ADAMTSL1: variants seen among roughly 807,000 people sequenced by gnomAD.
The protein encoded by ADAMTSL1 is ADAMTS-like protein 1.
In ADAMTSL1, 126 loss-of-function variants were observed where a neutral mutation model predicts 201.8. That is an observed-to-expected ratio of 0.62 (90% CI 0.54 to 0.72). The LOEUF (loss-of-function observed/expected upper bound fraction) is 0.72, where lower values mean the gene tolerates loss of function less well. ADAMTSL1 is among the 30% of genes least tolerant of loss of function. The pLI is 0.00. For synonymous variants in ADAMTSL1, 1,121 were observed against 903.4 expected (o/e 1.24, Z -4.32); for missense variants, 2,679 against 2,277.8 (o/e 1.18, Z -3.59).
intron 21 of ADAMTSL1, among the ~76,000 whole-genome samples, chr9:18,823,240 C>G (rs892892544): frequency 6.6e-6 from 1 of 152,216 alleles, no homozygotes; most frequent in African/African-American, 2.4e-5. Context: ...CACTTAATTT[C>G]TCTTCCCTTG....
chr9:18,345,768 G>A (rs2132992162), intron 2 of ADAMTSL1, among the ~76,000 whole-genome samples: 1 of 152,236 alleles, frequency 6.6e-6, no homozygotes, highest in Admixed American at 6.5e-5. Context: ...TGCTTCTGTA[G>A]CAGCCACCAT....
Position 18,406,337 on chromosome 9 carries a change from T to TTCTTTTCTTTTCTTTTCTTTTCTTC in ADAMTSL1, c.208-98486_208-98485insCTTTTCTTTTCTTTTCTTCTCTTTT, listed in dbSNP as rs1320560576. On this transcript the variant is annotated intron_variant, in intron 2 of 29. Coordinates refer to the ADAMTSL1 transcript ENST00000680146. ...TTCTTTTCTTTTCTTTTCTTTTCTTTTCTTTTTTTGACATGGACTCTCACT... is the reference window on the plus strand; with the variant it reads ...TTCTTTTCTTTTCTTTTCTTTTCTTTTCTTTTCTTTTCTTTTCTTTTCTTCTCTTTTTTTGACATGGACTCTCACT... 2.0e-3 allele frequency among the ~76,000 whole-genome samples: 220 copies of TTCTTTTCTTTTCTTTTCTTTTCTTC among 109,862 alleles called. 6 individuals are homozygous for TTCTTTTCTTTTCTTTTCTTTTCTTC. The highest frequency in any genetic ancestry group is 7.7e-3 in the African/African-American group (205 of 26,500). 72.1% of individuals were successfully genotyped at this position (109,862 alleles called of 152,430 possible).
intron 2 of ADAMTSL1, among the ~76,000 whole-genome samples, chr9:18,384,566 A>G (rs1420665861): frequency 1.3e-5 from 2 of 151,976 alleles, no homozygotes; most frequent in Non-Finnish European, 2.9e-5. Context: ...ATCCAAAAAC[A>G]CCCTCATAGG....
At chr9:18,508,654 C>A (rs1817826118) in intron 2 of ADAMTSL1, among the ~76,000 whole-genome samples, 1 of 152,086 alleles carries the variant, frequency 6.6e-6, no homozygotes, top group South Asian at 2.1e-4. Context: ...ATGGAGACAC[C>A]TAGCATTCAT....
intron 2 of ADAMTSL1, among the ~76,000 whole-genome samples, chr9:18,290,905 C>G (rs1398719380): frequency 6.6e-6 from 1 of 151,930 alleles, no homozygotes; most frequent in Admixed American, 6.6e-5. Flanking sequence ...CCTCAGCCTC[C>G]CAAGTAGCTG....
intron 2 of ADAMTSL1, among the ~76,000 whole-genome samples, chr9:18,335,531 G>T (rs1458294911): frequency 2.0e-5 from 3 of 152,084 alleles, no homozygotes; most frequent in African/African-American, 4.8e-5. Context: ...TTGTAACCTA[G>T]TTTTCTGAGG....
chr9:17,951,890 T>C (rs573749860), intron 1 of ADAMTSL1, among the ~76,000 whole-genome samples: 100 of 152,226 alleles, frequency 6.6e-4, no homozygotes, highest in South Asian at 1.5e-3. Context: ...TGATCGTAGC[T>C]CACTGCAGCC....
At chr9:18,605,665 AC>A (rs1358072613) in intron 4 of ADAMTSL1, among the ~76,000 whole-genome samples, 1 of 152,078 alleles carries the variant, frequency 6.6e-6, no homozygotes, top group Non-Finnish European at 1.5e-5. Context: ...TAACTGCATC[AC>A]CCCGGTACTA....
At chr9:18,269,915 T>G (rs1832291021) in intron 2 of ADAMTSL1, among the ~76,000 whole-genome samples, 1 of 151,850 alleles carries the variant, frequency 6.6e-6, no homozygotes. Context: ...CATGGGTGTG[T>G]TATTAGCTCA....
At chr9:18,861,900 T>C (rs1253370544) in intron 23 of ADAMTSL1, among the ~76,000 whole-genome samples, 1 of 152,162 alleles carries the variant, frequency 6.6e-6, no homozygotes, top group African/African-American at 2.4e-5. Context: ...TCCCCCGTCT[T>C]TACTTCCCTC....
chr9:18,072,039 C>T (rs1822994479), intron 1 of ADAMTSL1, among the ~76,000 whole-genome samples: 1 of 152,138 alleles, frequency 6.6e-6, no homozygotes, highest in Admixed American at 6.5e-5. Context: ...TCCCTGGCAA[C>T]TGTTAGAACA....
chr9:18,878,801 G>T (rs1828335454), intron 23 of ADAMTSL1, among the ~76,000 whole-genome samples: 1 of 152,266 alleles, frequency 6.6e-6, no homozygotes, highest in Middle Eastern at 3.4e-3. Flanking sequence ...AGTTAGTTTT[G>T]TCTCCTATCT....
Position 18,367,233 on chromosome 9 carries a change from G to A in ADAMTSL1, c.208-137596G>A, listed in dbSNP as rs546253139. On this transcript the variant is annotated intron_variant, in intron 2 of 29. Transcript: ENST00000680146. ...GTGACAAGACACATGTAAATATAAG[G>A]TTTTATTTAAAACAAATCTAAGATA... Among the ~76,000 whole-genome samples, 5 of 152,176 alleles carry A rather than the reference G, an allele frequency of 3.3e-5. No homozygotes were observed. In the East Asian group the frequency reaches 9.7e-4, roughly 29 times the overall value.
At chr9:18,458,570 C>A (rs1820694107) in intron 2 of ADAMTSL1, among the ~76,000 whole-genome samples, 1 of 152,124 alleles carries the variant, frequency 6.6e-6, no homozygotes, top group Non-Finnish European at 1.5e-5. Context: ...TTCGCAGAGT[C>A]AATTATGTCC....
chr9:18,186,880 C>T (rs1293868160), intron 2 of ADAMTSL1, among the ~76,000 whole-genome samples: 4 of 151,576 alleles, frequency 2.6e-5, no homozygotes, highest in Admixed American at 6.6e-5. Flanking sequence ...CACACACAAA[C>T]GTGAACATAT....
rs118065898 is a variant in ADAMTSL1 at position 17,929,123 on chromosome 9, T to G, written c.87+22201T>G. Among the ~76,000 whole-genome samples the G allele has an allele frequency of 9.0e-3, 1,365 of 152,260 alleles. 20 individuals are homozygous for G. The highest frequency in any genetic ancestry group is 9.7e-3 in the Non-Finnish European group (658 of 68,022). On this transcript the variant is annotated intron_variant, in intron 1 of 29. Transcript: ENST00000680146. ...CGATGAAGAATAGGGGTTTCTAACC[T>G]TTTTAAATATAAAAACTTTTAAAAC...
chr9:18,134,212 A>C lies in ADAMTSL1; in HGVS notation c.88-29650A>C, dbSNP rs180763477. Among the ~76,000 whole-genome samples, 244 of 152,234 alleles carry C rather than the reference A, an allele frequency of 1.6e-3. 1 individual carries two copies. Among genetic ancestry groups the C allele is most frequent in the Middle Eastern group, 6.8e-3 (2 of 294 alleles). On this transcript the variant is annotated intron_variant, in intron 1 of 29. Coordinates refer to the ADAMTSL1 transcript ENST00000680146. ...GAAAAGAAATGGGGCTCTAACCTGAAAGGTTTTAGTGTGAAGATGTGTGGA... is the reference window on the plus strand; with the variant it reads ...GAAAAGAAATGGGGCTCTAACCTGACAGGTTTTAGTGTGAAGATGTGTGGA...
At chr9:18,109,138 A>C (rs375954605) in intron 1 of ADAMTSL1, among the ~76,000 whole-genome samples, 1 of 152,198 alleles carries the variant, frequency 6.6e-6, no homozygotes, top group African/African-American at 2.4e-5. Flanking sequence ...TTTATTGACA[A>C]ATTCCCTCGC....
chr9:18,207,675 A>C (rs1829710077), intron 2 of ADAMTSL1, among the ~76,000 whole-genome samples: 1 of 152,172 alleles, frequency 6.6e-6, no homozygotes, highest in Non-Finnish European at 1.5e-5. Flanking sequence ...CATGCGGTTC[A>C]TATGTTAACT....
Sources: gnomAD v4.1 joint callset for allele counts (sites outside exome capture counted in the v4.1 genomes callset) on GRCh38, gnomAD v4.1.1 for gene constraint, MANE v1.5 for transcripts, NCBI Gene and HGNC (gene_info 2026-07-23, HGNC 2026-07-21) for gene names.